Variants in SCRG1 observed in about 807,000 individuals in gnomAD.
SCRG1 encodes the protein scrapie-responsive protein 1.
Under a neutral mutation model 7.7 loss-of-function variants are expected in SCRG1, and 3 were observed. The ratio of observed to expected loss-of-function variants is 0.39; its 90% CI spans 0.18 to 1.01. The LOEUF (loss-of-function observed/expected upper bound fraction) is 1.01, where lower values mean the gene tolerates loss of function less well. SCRG1 is among the 50% of genes least tolerant of loss of function. The pLI, the probability that SCRG1 is intolerant of heterozygous loss-of-function variation, is 0.36. For missense variants in SCRG1, 110 were observed against 117.2 expected, an observed-to-expected ratio of 0.94 and a Z score of 0.28; for synonymous variants, 46 against 41.2, an observed-to-expected ratio of 1.12 and a Z score of -0.44.
At chr4:173,431,879 A>G in the SCRG1 span, among the ~76,000 whole-genome samples, 27 of 152,332 alleles carry the variant, frequency 1.8e-4, no homozygotes, top group Non-Finnish European at 3.7e-4. Context: ...AAGACATGTG[A>G]TGGTTACTTT....
the SCRG1 span, among the ~76,000 whole-genome samples, chr4:173,425,374 C>A: frequency 6.6e-6 from 1 of 152,218 alleles, no homozygotes. Flanking sequence ...GTATGCTTTT[C>A]TTGACTTTGA....
chr4:173,444,073 A>G, the SCRG1 span, among the ~76,000 whole-genome samples: 3 of 151,476 alleles, frequency 2.0e-5, no homozygotes, highest in Non-Finnish European at 4.4e-5. Flanking sequence ...TTCCAGTTTC[A>G]AGAGATTCTA....
At chr4:173,425,474 T>A in the SCRG1 span, among the ~76,000 whole-genome samples, 1 of 152,216 alleles carries the variant, frequency 6.6e-6, no homozygotes, top group Non-Finnish European at 1.5e-5. Context: ...ACCCCACTTA[T>A]TTTAAAAGAT....
chr4:173,480,111 A>G, the SCRG1 span, among the ~76,000 whole-genome samples: 69 of 152,268 alleles, frequency 4.5e-4, no homozygotes, highest in African/African-American at 1.5e-3. Context: ...AGCTGAGACT[A>G]CAGGTGTGAG....
chr4:173,438,963 T>C, the SCRG1 span, among the ~76,000 whole-genome samples: 1 of 151,962 alleles, frequency 6.6e-6, no homozygotes, highest in Non-Finnish European at 1.5e-5. Flanking sequence ...CGGTTCCAAT[T>C]AGAAGTGGCC....
the SCRG1 span, among the ~76,000 whole-genome samples, chr4:173,439,238 AC>A: frequency 6.6e-6 from 1 of 152,042 alleles, no homozygotes; most frequent in South Asian, 2.1e-4. Flanking sequence ...CCAAGAATAA[AC>A]TTTTTTGTGT....
At chr4:173,456,573 T>C in the SCRG1 span, among the ~76,000 whole-genome samples, 1 of 152,230 alleles carries the variant, frequency 6.6e-6, no homozygotes, top group African/African-American at 2.4e-5. Flanking sequence ...TATCATTTTT[T>C]AAACCTCAAA....
the SCRG1 span, among the ~76,000 whole-genome samples, chr4:173,440,055 T>C: frequency 6.6e-6 from 1 of 152,188 alleles, no homozygotes; most frequent in African/African-American, 2.4e-5. Flanking sequence ...CTGTCAAAAT[T>C]AGTTTTATGG....
At chr4:173,419,771 A>G in the SCRG1 span, 3 of 1,427,236 alleles carry the variant, frequency 2.1e-6, no homozygotes, top group African/African-American at 2.8e-5. Flanking sequence ...CTGACCATCA[A>G]TGCTTTCCAC....
At chr4:173,485,104 A>ATATAT in the SCRG1 span, among the ~76,000 whole-genome samples, 1 of 54,390 alleles carries the variant, frequency 1.8e-5, no homozygotes, top group African/African-American at 7.2e-5. Flanking sequence ...ATTATATATT[A>ATATAT]TATATTATAT....
the SCRG1 span, among the ~76,000 whole-genome samples, chr4:173,440,746 A>T: frequency 2.0e-5 from 3 of 152,200 alleles, no homozygotes; most frequent in Non-Finnish European, 1.5e-5. Context: ...AGGTGTCAAC[A>T]GGGCCACCTT....
chr4:173,494,208 C>T, the SCRG1 span, among the ~76,000 whole-genome samples: 719 of 152,294 alleles, frequency 4.7e-3, 4 homozygotes, highest in African/African-American at 0.017. Context: ...ACCGGCCCCA[C>T]AGTTCGTCTG....
At chr4:173,506,552 G>A in the SCRG1 span, among the ~76,000 whole-genome samples, 7 of 152,372 alleles carry the variant, frequency 4.6e-5, no homozygotes, top group South Asian at 1.4e-3. This position sits in a 1 kb window ranked among gnomAD's most constrained non-coding sequence, Gnocchi z 5.3. Context: ...TAGGCAGCCT[G>A]TAAAATGCCT....
intron 2 of SCRG1, 139 bp from the exon 3 acceptor site, chr4:173,388,534 G>C (rs1739317055): frequency 3.6e-6 from 2 of 562,924 alleles, no homozygotes; most frequent in South Asian, 5.6e-5. Context: ...GTAAAGAGAT[G>C]AGTGGGAGGA....
At chr4:173,485,430 T>A in the SCRG1 span, among the ~76,000 whole-genome samples, 1 of 150,980 alleles carries the variant, frequency 6.6e-6, no homozygotes, top group Non-Finnish European at 1.5e-5. Flanking sequence ...ATCTGGGCCA[T>A]TCAGCCTCAT....
the SCRG1 span, among the ~76,000 whole-genome samples, chr4:173,508,565 C>G: frequency 2.0e-5 from 3 of 152,268 alleles, no homozygotes; most frequent in African/African-American, 7.2e-5. The surrounding 1 kb of genome is among the most constrained non-coding windows in gnomAD (Gnocchi z 4.4). Context: ...CAGACCACAG[C>G]CCCCGCCCCA....
chr4:173,488,134 T>TAAATAAATAAA, the SCRG1 span, among the ~76,000 whole-genome samples: 5 of 128,732 alleles, frequency 3.9e-5, no homozygotes, highest in African/African-American at 1.3e-4. Context: ...AATAAATAAA[T>TAAATAAATAAA]TTAAAAAATG....
At chr4:173,410,951 A>G (rs1265199872), upstream of SCRG1, among the ~76,000 whole-genome samples, 1 of 152,192 alleles carries the variant, frequency 6.6e-6, no homozygotes, top group Admixed American at 6.5e-5. Flanking sequence ...CTCAGAGTAG[A>G]CTAGTTCTGG....
the SCRG1 span, among the ~76,000 whole-genome samples, chr4:173,466,621 G>C: frequency 6.6e-6 from 1 of 152,062 alleles, no homozygotes; most frequent in Non-Finnish European, 1.5e-5. Flanking sequence ...ATAAATATCT[G>C]ACAAAAACTT....
Sources: allele counts gnomAD v4.1 joint callset (sites outside exome capture counted in the v4.1 genomes callset), GRCh38; gene constraint gnomAD v4.1.1; non-coding constraint Gnocchi (gnomAD v3.1); transcripts MANE v1.5; gene names NCBI Gene and HGNC (gene_info 2026-07-23, HGNC 2026-07-21).